The following PDE2A variants were observed in gnomAD, a reference collection of about 807,000 sequenced individuals.
PDE2A encodes cGMP-dependent 3',5'-cyclic phosphodiesterase.
PDE2A carries 53 observed loss-of-function variants against 133.6 expected under a neutral mutation model. That is an observed-to-expected ratio of 0.40 (90% CI 0.32 to 0.50). The LOEUF is 0.50. PDE2A is among the 20% of genes least tolerant of loss of function. The pLI is 0.73. For synonymous variants in PDE2A, 491 were observed against 490.2 expected (o/e 1.00, Z -0.02); for missense variants, 796 against 1,232.4 (o/e 0.65, Z 5.30).
At chr11:72,648,428 C>T (rs1859188070) in intron 1 of PDE2A, among the ~76,000 whole-genome samples, 1 of 152,146 alleles carries the variant, frequency 6.6e-6, no homozygotes. Context: ...AATTTCAGCT[C>T]CTAGTGGGCA....
chr11:72,639,178 C>T (rs1168665272), intron 2 of PDE2A, among the ~76,000 whole-genome samples: 2 of 152,246 alleles, frequency 1.3e-5, no homozygotes, highest in Admixed American at 6.5e-5. Flanking sequence ...CTCGATCCCC[C>T]TACAGACTGC....
At chr11:72,598,779 C>T (rs1018322078) in intron 4 of PDE2A, 52 of 985,278 alleles carry the variant, frequency 5.3e-5, no homozygotes, top group Non-Finnish European at 6.0e-5. Context: ...TTCAAGCTCA[C>T]GCAGCATTCT....
chr11:72,588,990 TGCAACA>T (rs901483333), intron 12 of PDE2A, 76 bp from the exon 13 acceptor site: 2 of 1,494,954 alleles, frequency 1.3e-6, no homozygotes, highest in African/African-American at 2.8e-5. Flanking sequence ...CATCACATTT[TGCAACA>T]GGCAGTTCTA....
At chr11:72,614,705 A>G (rs1857375279) in intron 2 of PDE2A, among the ~76,000 whole-genome samples, 2 of 152,184 alleles carry the variant, frequency 1.3e-5, no homozygotes, top group African/African-American at 4.8e-5. Context: ...TACAAGCCCA[A>G]GAGGTGCCTG....
intron 2 of PDE2A, among the ~76,000 whole-genome samples, chr11:72,636,663 T>G (rs1858710393): frequency 6.6e-6 from 1 of 151,966 alleles, no homozygotes; most frequent in Non-Finnish European, 1.5e-5. Flanking sequence ...GGCAGCATTC[T>G]CCTCCCTTGC....
rs561458563 is a variant in PDE2A, at chr11:72,609,118, A to C, written c.145-367T>G. On this transcript the variant is annotated intron_variant, in intron 2 of 30. Transcript: ENST00000334456. ...AATTAAAACAAAACAAGCAAACAAAAAAACACCCAAATTTGAATCCTAGCT... is the reference window on the plus strand; with the variant it reads ...AATTAAAACAAAACAAGCAAACAAACAAACACCCAAATTTGAATCCTAGCT... 2.6e-5 allele frequency among the ~76,000 whole-genome samples: 4 copies of C among 152,266 alleles called. No homozygotes were observed. In the South Asian group the frequency reaches 8.3e-4, roughly 32 times the overall value.
intron 2 of PDE2A, among the ~76,000 whole-genome samples, chr11:72,637,446 T>A (rs1213923604): frequency 6.6e-6 from 1 of 152,228 alleles, no homozygotes; most frequent in Admixed American, 6.5e-5. Flanking sequence ...TTCACTAATG[T>A]CCACCTAGGA....
intron 1 of PDE2A, chr11:72,668,307 A>G (rs1177650086): frequency 4.2e-6 from 3 of 718,672 alleles, no homozygotes; most frequent in Admixed American, 2.0e-5. Context: ...CCTGTGGGCA[A>G]GCGATTTCCC....
intron 1 of PDE2A, chr11:72,668,223 G>A: frequency 1.4e-6 from 1 of 716,786 alleles, no homozygotes; most frequent in Non-Finnish European, 2.6e-6. Context: ...ATCTGGAACA[G>A]TAATGTATGG....
intron 30 of PDE2A, among the ~76,000 whole-genome samples, chr11:72,577,971 C>CA (rs1225616844): frequency 2.6e-5 from 4 of 151,698 alleles, no homozygotes; most frequent in Admixed American, 6.6e-5. Context: ...GACTCCATCT[C>CA]AAAAAAAACA....
rs188052780 is a variant in PDE2A, at chr11:72,579,423, A to G, written c.2257-40T>C. 1.4e-3 allele frequency: 2,134 copies of G among 1,576,452 alleles called. 29 individuals carry two copies. The African/African-American group carries it at 0.025, about 19-fold the overall frequency. ...GGGGTGTCATGCCCTCCTACTGGAC[A>G]CCCCCACCCATTTGCCCATCCCAGT... On this transcript the variant is annotated intron_variant, in intron 26 of 30. Transcript: ENST00000334456.
intron 4 of PDE2A, among the ~76,000 whole-genome samples, chr11:72,603,350 T>G (rs150839763): frequency 1.3e-5 from 2 of 152,316 alleles, no homozygotes; most frequent in African/African-American, 2.4e-5. Context: ...AAGGAGGATG[T>G]TGAAAGGGCA....
chr11:72,587,729 T>G (rs1856041034), intron 13 of PDE2A: 2 of 152,292 alleles, frequency 1.3e-5, no homozygotes, highest in South Asian at 4.1e-4. Flanking sequence ...GCCCACAAGT[T>G]CCAAATGCCA....
At chr11:72,595,520 TC>T (rs1160327486) in intron 6 of PDE2A, among the ~76,000 whole-genome samples, 10 of 141,314 alleles carry the variant, frequency 7.1e-5, no homozygotes, top group African/African-American at 2.6e-4. Flanking sequence ...CCTCCTCCCC[TC>T]CCCCCTCTCC....
Position 72,582,133 on chromosome 11 carries a change from A to T in PDE2A, c.1852-186T>A, listed in dbSNP as rs893944880. The T allele has an allele frequency of 1.1e-5, 7 of 619,752 alleles. No individual in the cohort carries two copies. In the African/African-American group the frequency reaches 1.3e-4, roughly 11 times the overall value. The allele number at this position is 619,752 out of a possible 1,614,324, so 38.4% of individuals were successfully genotyped here. A position where few individuals can be genotyped will look rare whatever the true frequency, so the allele number is the denominator to read the frequency against. ...TGCATTTTTAGAGATCTAAGAACTA[A>T]GAACTCTTGAAACCAAGCCCACACA... On this transcript the variant is annotated intron_variant, in intron 21 of 30. Transcript: ENST00000334456.
At chr11:72,623,138 C>A (rs1006212041) in intron 2 of PDE2A, among the ~76,000 whole-genome samples, 3 of 152,180 alleles carry the variant, frequency 2.0e-5, no homozygotes, top group Non-Finnish European at 4.4e-5. Flanking sequence ...CCTCACCATC[C>A]TACACAGGCC....
At chr11:72,657,680 G>A (rs1447982869) in intron 1 of PDE2A, among the ~76,000 whole-genome samples, 1 of 152,202 alleles carries the variant, frequency 6.6e-6, no homozygotes, top group East Asian at 1.9e-4. Context: ...GAGGAGAGCT[G>A]GTCAGAGCTG....
chr11:72,608,885 C>T (rs1857086356), intron 2 of PDE2A, 134 bp from the exon 3 acceptor site: 3 of 630,616 alleles, frequency 4.8e-6, no homozygotes, highest in Non-Finnish European at 8.8e-6. Context: ...ATCCCAGGAT[C>T]TTAGGATCTC....
chr11:72,581,807 C>T (rs999179017), intron 22 of PDE2A, 70 bp downstream of exon 22: 39 of 1,395,686 alleles, frequency 2.8e-5, no homozygotes, highest in South Asian at 4.6e-5. Flanking sequence ...TCCAGAATGC[C>T]GGGGGCAACG....
Sources: allele counts gnomAD v4.1 joint callset (sites outside exome capture counted in the v4.1 genomes callset), GRCh38; gene constraint gnomAD v4.1.1; transcripts MANE v1.5; gene names NCBI Gene and HGNC (gene_info 2026-07-23, HGNC 2026-07-21).